CT45A1: variants seen among roughly 807,000 people sequenced by gnomAD.
CT45A1 encodes the protein cancer/testis antigen family 45 member A1.
At chrX:135,716,819 GT>G (rs1556571707) in intron 1 of CT45A1, among the ~76,000 whole-genome samples, 2 of 77,444 alleles carry the variant, frequency 2.6e-5, no homozygotes, top group African/African-American at 7.9e-5. Context: ...GTGGGAAGAA[GT>G]AAGAGTCAAG....
At chrX:135,714,586 A>G (rs782429256) in intron 1 of CT45A1, among the ~76,000 whole-genome samples, 1 of 110,500 alleles carries the variant, frequency 9.0e-6, no homozygotes, top group East Asian at 2.9e-4. Flanking sequence ...AAGTCCAGAA[A>G]TATTCGAAGG....
In CT45A1 at chrX:135,715,449, A is replaced by ATATATATAATACT. The variant is rs1276673091; in HGVS notation, c.-7+1791_-7+1803dup. ...TATATAATACTTATATATAATACTT[A>ATATATATAATACT]TATATATAATACTTATATATAATAC... On this transcript the variant is annotated intron_variant, in intron 1 of 4. Coordinates refer to ENST00000594565, the MANE Select transcript of CT45A1 (RefSeq NM_001017417.3). Among the ~76,000 whole-genome samples the ATATATATAATACT allele has an allele frequency of 1.4e-4, 11 of 81,212 alleles. 1 individual carries two copies. Among genetic ancestry groups the ATATATATAATACT allele is most frequent in the African/African-American group, 2.0e-4 (4 of 20,087 alleles). The allele number at this position is 81,212 out of a possible 115,157, so 70.5% of individuals were successfully genotyped here.
chrX:135,711,581 C>T (rs1224009721), upstream of CT45A1, among the ~76,000 whole-genome samples: 2 of 111,059 alleles, frequency 1.8e-5, no homozygotes, highest in African/African-American at 3.3e-5. Flanking sequence ...ATTGCAGGTG[C>T]CCACCACCAT....
In CT45A1 at chrX:135,716,737, T is replaced by C. The variant is rs192385671; in HGVS notation, c.-6-2198T>C. Among the ~76,000 whole-genome samples, 9 of 111,746 alleles carry C rather than the reference T, an allele frequency of 8.1e-5. No homozygotes were observed. In the East Asian group the frequency reaches 2.5e-3, roughly 31 times the overall value. ...TCCTCATTAAAAACATCTTTGCCTA[T>C]ACTATAGTTGTGAAGACAGTATCTT... On this transcript the variant is annotated intron_variant, in intron 1 of 4. Transcript: ENST00000594565.
chrX:135,712,224 C>A (rs782316422), upstream of CT45A1, among the ~76,000 whole-genome samples: 1 of 69,442 alleles, frequency 1.4e-5, no homozygotes, highest in East Asian at 5.1e-4. Context: ...CACTTTGTCA[C>A]CCAGGCTATG....
rs182169893 is a variant in CT45A1, at chrX:135,717,612, G to A, written c.-6-1323G>A. ...ATTTTTCTCCATTTACTGCAGTCTT[G>A]AATTTCTCTGAGTGATGTTTTATAA... is the stretch of plus-strand genomic sequence containing the variant. On this transcript the variant is annotated intron_variant, in intron 1 of 4. Coordinates refer to ENST00000594565, the MANE Select transcript of CT45A1 (RefSeq NM_001017417.3). 5.5e-3 allele frequency among the ~76,000 whole-genome samples: 613 copies of A among 111,604 alleles called. 6 individuals carry two copies. The highest frequency in any genetic ancestry group is 0.019 in the African/African-American group (570 of 30,723).
At chrX:135,714,143 T>C (rs1556570505) in intron 1 of CT45A1, among the ~76,000 whole-genome samples, 1 of 109,171 alleles carries the variant, frequency 9.2e-6, no homozygotes, top group Non-Finnish European at 1.9e-5. Flanking sequence ...CCCAGACGCA[T>C]GATCGCCGCC....
chrX:135,714,116 G>C (rs782548539), intron 1 of CT45A1, among the ~76,000 whole-genome samples: 1 of 108,776 alleles, frequency 9.2e-6, no homozygotes, highest in African/African-American at 3.4e-5. Context: ...CATGGAACAT[G>C]GTGGGGGTGG....
intron 1 of CT45A1, among the ~76,000 whole-genome samples, chrX:135,715,219 A>C (rs1417107756): frequency 1.5e-5 from 1 of 66,305 alleles, no homozygotes; most frequent in Non-Finnish European, 3.2e-5. Context: ...TATAATACTT[A>C]TATATATATA....
chrX:135,715,331 TATTATATATATATAATACTTAC>T (rs1556571011), intron 1 of CT45A1, among the ~76,000 whole-genome samples: 4 of 66,057 alleles, frequency 6.1e-5, no homozygotes, highest in African/African-American at 1.7e-4. Flanking sequence ...AATACTTATA[TATTATATATATATAATACTTAC>T]ATATAATACT....
upstream of CT45A1, chrX:135,713,378 G>C (rs1274880502): frequency 2.7e-5 from 5 of 185,473 alleles, no homozygotes; most frequent in Non-Finnish European, 3.1e-5. Flanking sequence ...AGTCAGCGAA[G>C]GGGAGGGCTG....
At chrX:135,714,003 C>T (rs782061549) in intron 1 of CT45A1, among the ~76,000 whole-genome samples, 3 of 107,487 alleles carry the variant, frequency 2.8e-5, no homozygotes, top group Non-Finnish European at 5.8e-5. Flanking sequence ...GGGGTGGGGG[C>T]CATGCCTTGG....
intron 1 of CT45A1, among the ~76,000 whole-genome samples, chrX:135,715,922 A>G (rs1321386259): frequency 5.8e-5 from 6 of 102,702 alleles, no homozygotes; most frequent in Non-Finnish European, 1.2e-4. Context: ...TCATTGTTCA[A>G]CTCCCACTTA....
At chrX:135,718,550 T>G (rs1242551953) in intron 1 of CT45A1, among the ~76,000 whole-genome samples, 9 of 110,670 alleles carry the variant, frequency 8.1e-5, no homozygotes, top group Non-Finnish European at 1.3e-4. Flanking sequence ...ATATATAGTT[T>G]AAAATATAAT....
At chrX:135,718,015 C>G (rs1556572230) in intron 1 of CT45A1, among the ~76,000 whole-genome samples, 1 of 111,901 alleles carries the variant, frequency 8.9e-6, no homozygotes, top group Non-Finnish European at 1.9e-5. Flanking sequence ...ACTGATACGT[C>G]ACTATGAAGT....
intron 1 of CT45A1, among the ~76,000 whole-genome samples, chrX:135,718,222 T>G (rs2088005559): frequency 8.9e-6 from 1 of 111,831 alleles, no homozygotes; most frequent in South Asian, 3.7e-4. Context: ...TTATCAAATG[T>G]TAAATCAATG....
intron 1 of CT45A1, among the ~76,000 whole-genome samples, chrX:135,717,405 C>T (rs1336684075): frequency 6.3e-5 from 7 of 110,772 alleles, no homozygotes; most frequent in Non-Finnish European, 1.1e-4. Flanking sequence ...AAAAATTAGC[C>T]AGGCGTTGTG....
At chrX:135,715,476 T>C (rs1180542809) in intron 1 of CT45A1, among the ~76,000 whole-genome samples, 3 of 69,766 alleles carry the variant, frequency 4.3e-5, no homozygotes, top group African/African-American at 1.7e-4. Context: ...ATATAATACT[T>C]ATATATAATA....
chrX:135,712,689 C>T (rs1166081857), upstream of CT45A1, among the ~76,000 whole-genome samples: 1 of 109,250 alleles, frequency 9.2e-6, no homozygotes, highest in Non-Finnish European at 1.9e-5. Flanking sequence ...CGCCCCACGC[C>T]CGGTTAATTT....
Sources: allele counts gnomAD v4.1 joint callset (sites outside exome capture counted in the v4.1 genomes callset), GRCh38; gene constraint gnomAD v4.1.1; transcripts MANE v1.5; gene names NCBI Gene and HGNC (gene_info 2026-07-23, HGNC 2026-07-21).